The following MITD1 variants were observed in gnomAD, a reference collection of about 807,000 sequenced individuals.
MITD1 encodes MIT domain-containing protein 1.
A neutral mutation model predicts 34.9 loss-of-function variants in MITD1; 24 were observed. The observed-to-expected ratio is 0.69, with a 90% CI of 0.50 to 0.97. MITD1 has a LOEUF of 0.97. MITD1 is among the 50% of genes least tolerant of loss of function. The pLI is 0.00. For missense variants in MITD1, 266 were observed against 294.6 expected (o/e 0.90, Z 0.71); for synonymous variants, 102 against 101.4 (o/e 1.01, Z -0.04).
chr2:99,180,374 TTAAC>T (rs1238371566), intron 1 of MITD1, among the ~76,000 whole-genome samples: 1 of 152,208 alleles, frequency 6.6e-6, no homozygotes, highest in Non-Finnish European at 1.5e-5. Context: ...TTAAGGAAAA[TTAAC>T]TAAAGACATC....
At chr2:99,165,526 G>A, downstream of MITD1, among the ~76,000 whole-genome samples, 1 of 152,116 alleles carries the variant, frequency 6.6e-6, no homozygotes, top group Non-Finnish European at 1.5e-5. Context: ...AGAAGTCTTG[G>A]CTTAATTTAT....
chr2:99,170,330 C>T (rs951313905), intron 5 of MITD1, among the ~76,000 whole-genome samples: 4 of 151,980 alleles, frequency 2.6e-5, no homozygotes, highest in African/African-American at 9.7e-5. Flanking sequence ...ATATTAAACT[C>T]ACACACAAAA....
At chr2:99,161,852 G>A (rs1016437066), downstream of MITD1, 1 of 1,020,700 alleles carries the variant, frequency 9.8e-7, no homozygotes, top group Admixed American at 2.8e-5. Context: ...AACTGCACTG[G>A]ATACTTTAAG....
At chr2:99,162,095 T>C in exon 8 of MITD1, 1 of 1,614,192 alleles carries the variant, frequency 6.2e-7, no homozygotes, top group Non-Finnish European at 8.5e-7. Flanking sequence ...AAAATCTGGC[T>C]GTGGAAGACT....
At chr2:99,180,785 C>T in intron 1 of MITD1, 46 bp downstream of exon 1, 1 of 1,533,866 alleles carries the variant, frequency 6.5e-7, no homozygotes, top group Non-Finnish European at 9.0e-7. Context: ...ACAGCAGGAA[C>T]CAGCTCCTTT....
At chr2:99,172,867 A>T (rs1384502983) in intron 2 of MITD1, 1 of 151,354 alleles carries the variant, frequency 6.6e-6, no homozygotes, top group African/African-American at 2.4e-5. Context: ...TGGGCGACAC[A>T]GCGAGACTCC....
At chr2:99,162,239 A>C (rs2093799471) in intron 7 of MITD1, 6 of 1,613,844 alleles carry the variant, frequency 3.7e-6, no homozygotes, top group Non-Finnish European at 5.1e-6. Flanking sequence ...AAGAAGGTAT[A>C]AAACTGGCTC....
At chr2:99,174,169 G>A (rs1049511577) in intron 1 of MITD1, among the ~76,000 whole-genome samples, 153 bp from the exon 2 acceptor site, 9 of 152,008 alleles carry the variant, frequency 5.9e-5, no homozygotes, top group Non-Finnish European at 1.0e-4. Context: ...CTCAAATTTG[G>A]CTTGAACATA....
Position 99,169,541 on chromosome 2 carries a change from A to G in MITD1, c.654+9T>C. On this transcript the variant is annotated intron_variant, in intron 6 of 6. Coordinates refer to ENST00000289359, the MANE Select transcript of MITD1 (RefSeq NM_138798.3). ...GTGCTACACATTTACTCATAAGATTATATCCTACCTGTGGTTTCTTAAAAT... is the reference window on the plus strand; with the variant it reads ...GTGCTACACATTTACTCATAAGATTGTATCCTACCTGTGGTTTCTTAAAAT... 1 of 1,605,942 alleles carries G rather than the reference A, an allele frequency of 6.2e-7. No individual in the cohort carries two copies. Among genetic ancestry groups the G allele is most frequent in the Non-Finnish European group, 8.5e-7 (1 of 1,172,666 alleles).
intron 1 of MITD1, among the ~76,000 whole-genome samples, chr2:99,177,928 A>G (rs1253544727): frequency 1.3e-5 from 2 of 152,180 alleles, no homozygotes; most frequent in African/African-American, 2.4e-5. Context: ...TAGATTCCAC[A>G]TATGAGTTAG....
downstream of MITD1, among the ~76,000 whole-genome samples, chr2:99,165,061 C>CACACACACACACACACAT (rs370053233): frequency 1.3e-4 from 18 of 135,278 alleles, no homozygotes; most frequent in East Asian, 1.1e-3. Flanking sequence ...CACACACACA[C>CACACACACACACACACAT]ATATATATAT....
chr2:99,165,019 T>TACAC (rs56958044), downstream of MITD1, among the ~76,000 whole-genome samples: 2,405 of 136,686 alleles, frequency 0.018, 52 homozygotes, highest in African/African-American at 0.049. Context: ...CAAAATGGCA[T>TACAC]ACACACACAC....
chr2:99,173,201 C>T lies in MITD1; in HGVS notation c.253+714G>A, dbSNP rs2093868088. ...GGGGTCCCCAGGGTATGTACTGATA[C>T]AGGATAGTAGGAAGAGATGGGGAAA... On this transcript the variant is annotated intron_variant, in intron 2 of 6. Coordinates refer to ENST00000289359, the MANE Select transcript of MITD1 (RefSeq NM_138798.3). 1.4e-5 allele frequency: 3 copies of T among 221,436 alleles called. No individual in the cohort carries two copies. In the South Asian group the frequency reaches 2.1e-4, roughly 16 times the overall value. The allele number at this position is 221,436 out of a possible 1,614,324, so 13.7% of individuals were successfully genotyped here.
intron 1 of MITD1, among the ~76,000 whole-genome samples, chr2:99,174,437 T>C (rs535923041): frequency 6.6e-6 from 1 of 152,272 alleles, no homozygotes; most frequent in East Asian, 1.9e-4. Flanking sequence ...TTAATGCACA[T>C]TTTTCCAGCT....
chr2:99,168,465 G>A (rs1160354202), downstream of MITD1, among the ~76,000 whole-genome samples: 2 of 152,070 alleles, frequency 1.3e-5, no homozygotes, highest in Non-Finnish European at 2.9e-5. Context: ...GCTGTGGACC[G>A]CCCACTACCT....
chr2:99,171,247 C>A, intron 4 of MITD1, 96 bp downstream of exon 4: 1 of 860,124 alleles, frequency 1.2e-6, no homozygotes, highest in Non-Finnish European at 1.9e-6. Context: ...GGAAACAAAT[C>A]TAGCTGAAGC....
intron 1 of MITD1, among the ~76,000 whole-genome samples, chr2:99,175,980 G>A (rs2093884643): frequency 1.3e-5 from 2 of 152,008 alleles, no homozygotes; most frequent in South Asian, 2.1e-4. Context: ...TGGCTCTGTC[G>A]CCCAGGCTGG....
downstream of MITD1, among the ~76,000 whole-genome samples, chr2:99,165,061 C>CACACATAT (rs370053233): frequency 8.6e-3 from 1,164 of 135,170 alleles, 13 homozygotes; most frequent in East Asian, 0.026. Context: ...CACACACACA[C>CACACATAT]ATATATATAT....
At chr2:99,174,613 C>T (rs1465922128) in intron 1 of MITD1, among the ~76,000 whole-genome samples, 6 of 152,054 alleles carry the variant, frequency 3.9e-5, no homozygotes, top group Admixed American at 6.6e-5. Context: ...TGTTTTGAGA[C>T]GGAATCTCGC....
Sources: gnomAD v4.1 joint callset for allele counts (sites outside exome capture counted in the v4.1 genomes callset) on GRCh38, gnomAD v4.1.1 for gene constraint, MANE v1.5 for transcripts, NCBI Gene and HGNC (gene_info 2026-07-23, HGNC 2026-07-21) for gene names.